The following SCEL variants were observed in gnomAD, a reference collection of about 807,000 sequenced individuals.
SCEL encodes sciellin.
A neutral mutation model predicts 117.6 loss-of-function variants in SCEL; 113 were observed. That is an observed-to-expected ratio of 0.96 (90% CI 0.83 to 1.12). The LOEUF is 1.12. Among genes scored for constraint, SCEL ranks in the 50% most tolerant of loss-of-function variants. The probability of loss-of-function intolerance (pLI) is 0.00; values close to 1 mark genes in which losing one functional copy is unlikely to be tolerated. For missense variants in SCEL, 785 were observed against 810.8 expected, an observed-to-expected ratio of 0.97 and a Z score of 0.39; for synonymous variants, 270 against 256.2, an observed-to-expected ratio of 1.05 and a Z score of -0.51.
chr13:77,566,345 G>A (rs1051500087), intron 5 of SCEL, among the ~76,000 whole-genome samples: 1 of 152,130 alleles, frequency 6.6e-6, no homozygotes, highest in Non-Finnish European at 1.5e-5. Context: ...CTACCTTGTA[G>A]GGATGTTCTA....
chr13:77,626,008 G>A (rs977549279), intron 27 of SCEL, among the ~76,000 whole-genome samples: 1 of 152,178 alleles, frequency 6.6e-6, no homozygotes, highest in Non-Finnish European at 1.5e-5. Flanking sequence ...CACAACTGTA[G>A]TCATTGTGTG....
intron 16 of SCEL, 118 bp from the exon 17 acceptor site, chr13:77,602,536 T>G: frequency 1.3e-6 from 1 of 773,138 alleles, no homozygotes. Context: ...CAAAGCTCTT[T>G]TTGGTCATTT....
intron 1 of SCEL, among the ~76,000 whole-genome samples, chr13:77,541,152 G>A (rs1213098389): frequency 6.6e-6 from 1 of 152,048 alleles, no homozygotes; most frequent in Non-Finnish European, 1.5e-5. Flanking sequence ...TGAAAAACTA[G>A]TAAAGATGAA....
At chr13:77,622,236 T>A (rs1282008978) in intron 27 of SCEL, among the ~76,000 whole-genome samples, 1 of 152,234 alleles carries the variant, frequency 6.6e-6, no homozygotes, top group African/African-American at 2.4e-5. Context: ...AAAAACAATT[T>A]AAATGAACTG....
intron 28 of SCEL, among the ~76,000 whole-genome samples, chr13:77,629,914 G>A (rs977498361): frequency 6.6e-6 from 1 of 152,204 alleles, no homozygotes; most frequent in Admixed American, 6.5e-5. Flanking sequence ...GCATGGGGCA[G>A]AATTCTTCTG....
At chr13:77,639,543 G>A (rs904222792) in intron 30 of SCEL, among the ~76,000 whole-genome samples, 9 of 152,230 alleles carry the variant, frequency 5.9e-5, no homozygotes, top group African/African-American at 1.4e-4. Flanking sequence ...CACAATGAGC[G>A]CATCAGATCT....
At chr13:77,569,325 A>G (rs1187589673) in intron 7 of SCEL, 46 bp from the exon 8 acceptor site, 3 of 1,465,584 alleles carry the variant, frequency 2.0e-6, no homozygotes, top group Non-Finnish European at 2.9e-6. Flanking sequence ...GGCTGAAATG[A>G]AAAAGTTTGA....
intron 9 of SCEL, among the ~76,000 whole-genome samples, chr13:77,573,098 G>A (rs1415406152): frequency 6.6e-6 from 1 of 152,174 alleles, no homozygotes; most frequent in Non-Finnish European, 1.5e-5. Context: ...ATCAGGTAGA[G>A]GACACCTTAT....
chr13:77,617,940 T>G (rs2089175377), intron 26 of SCEL, 64 bp from the exon 27 acceptor site: 5 of 1,584,602 alleles, frequency 3.2e-6, no homozygotes, highest in Non-Finnish European at 4.3e-6. Flanking sequence ...GTTGCTTTAT[T>G]GACCTAGCAC....
At chr13:77,617,708 G>A in intron 25 of SCEL, 50 bp downstream of exon 25, 1 of 1,475,242 alleles carries the variant, frequency 6.8e-7, no homozygotes, top group Non-Finnish European at 9.4e-7. Flanking sequence ...AGAATATTAA[G>A]TTTTATTATT....
chr13:77,569,387 T>C lies in SCEL; in HGVS notation c.415T>C (p.Leu139=), dbSNP rs1232425342. ...ATTAAACAGGCAACCTGGCGGTTCA[T>C]TGAATGCCAACACCTCCAACACCAT... ...EVTKLQPGGS[L]NANTSNTIAS... is the part of the protein sequence containing the mutation. The change falls in exon 8 of 33, where the codon TTG becomes CTG. Residue 139 remains leucine (L), a synonymous_variant. Transcript: ENST00000349847. 2.5e-6 allele frequency: 4 copies of C among 1,613,906 alleles called. No homozygotes were observed. The highest frequency in any genetic ancestry group is 1.7e-6 in the Non-Finnish European group (2 of 1,179,782).
chr13:77,613,754 G>T, intron 23 of SCEL, 139 bp from the exon 24 acceptor site: 1 of 688,552 alleles, frequency 1.5e-6, no homozygotes, highest in South Asian at 1.7e-5. Flanking sequence ...TTAAAAAAAT[G>T]GTAACTAATA....
At chr13:77,615,407 G>C (rs1466711960) in intron 24 of SCEL, among the ~76,000 whole-genome samples, 1 of 152,094 alleles carries the variant, frequency 6.6e-6, no homozygotes, top group Non-Finnish European at 1.5e-5. Context: ...TGTAAAGATA[G>C]GAGTGTTGCT....
intron 1 of SCEL, among the ~76,000 whole-genome samples, chr13:77,544,313 T>A (rs1188045385): frequency 6.6e-6 from 1 of 152,228 alleles, no homozygotes; most frequent in Non-Finnish European, 1.5e-5. Context: ...AGCCCTTCTT[T>A]AACCAATTTT....
At position 77,599,283 on chromosome 13, in the gene SCEL, T is replaced by C; in HGVS notation, c.798-46T>C. On this transcript the variant is annotated intron_variant, in intron 13 of 32. Transcript: ENST00000349847. ...TCTATGTTCTTATAGAGTTAAGCAT[T>C]GGTCATTATCACTGATGAGGCTTTT... 3 of 1,376,398 alleles carry C rather than the reference T, an allele frequency of 2.2e-6. No individual in the cohort carries two copies. In the South Asian group the frequency reaches 3.6e-5, roughly 17 times the overall value. 85.3% of individuals were successfully genotyped at this position (1,376,398 alleles called of 1,614,324 possible).
intron 9 of SCEL, among the ~76,000 whole-genome samples, chr13:77,578,767 G>C (rs1018321018): frequency 2.6e-5 from 4 of 152,282 alleles, no homozygotes; most frequent in African/African-American, 9.6e-5. Context: ...AGCTGACACT[G>C]TGCTTTGTTT....
chr13:77,564,084 C>A (rs1348018108), intron 5 of SCEL, among the ~76,000 whole-genome samples, 185 bp downstream of exon 5: 1 of 151,888 alleles, frequency 6.6e-6, no homozygotes, highest in Non-Finnish European at 1.5e-5. Flanking sequence ...TGGCTAGATG[C>A]ATTTCCAAAA....
chr13:77,640,738 T>G lies in SCEL; in HGVS notation c.1901T>G (p.Met634Arg). 1 of 1,606,322 alleles carries G rather than the reference T, an allele frequency of 6.2e-7. No homozygotes were observed. The highest frequency in any genetic ancestry group is 8.5e-7 in the Non-Finnish European group (1 of 1,174,580). Residue 634 changes from methionine (M) to arginine (R), a missense_variant, in exon 31 of 33, where the codon ATG becomes AGG. Transcript: ENST00000349847. Reference protein sequence around the residue: ...CRKPLGVETKMILDELQICCH... With the variant: ...CRKPLGVETKRILDELQICCH... ...AAACCCTTGGGTGTAGAAACTAAAATGATTTTAGATGAATTACAAATTTGC... is the reference window on the plus strand; with the variant it reads ...AAACCCTTGGGTGTAGAAACTAAAAGGATTTTAGATGAATTACAAATTTGC...
chr13:77,592,603 G>A (rs577512573), intron 11 of SCEL, among the ~76,000 whole-genome samples: 95 of 142,574 alleles, frequency 6.7e-4, no homozygotes, highest in Admixed American at 1.5e-3. Context: ...CTGTCACCCA[G>A]GCTGGAGTGC....
Sources: gnomAD v4.1 joint callset for allele counts (sites outside exome capture counted in the v4.1 genomes callset) on GRCh38, gnomAD v4.1.1 for gene constraint, MANE v1.5 for transcripts, NCBI Gene and HGNC (gene_info 2026-07-23, HGNC 2026-07-21) for gene names.